Variants in DPP6 observed in about 807,000 individuals in gnomAD.
The protein encoded by DPP6 is A-type potassium channel modulatory protein DPP6.
Under a neutral mutation model 122.6 loss-of-function variants are expected in DPP6, and 69 were observed. The ratio of observed to expected loss-of-function variants is 0.56; its 90% CI spans 0.46 to 0.69. The LOEUF is 0.69. DPP6 is among the 30% of genes least tolerant of loss of function. DPP6 has a pLI of 0.00. For missense variants in DPP6, 928 were observed against 1,116.9 expected (o/e 0.83, Z 2.41); for synonymous variants, 418 against 433.1 (o/e 0.97, Z 0.43).
At chr7:154,060,351 GCA>G (rs1801582389) in intron 1 of DPP6, among the ~76,000 whole-genome samples, 11 of 128,108 alleles carry the variant, frequency 8.6e-5, no homozygotes, top group African/African-American at 1.5e-4. Flanking sequence ...CCCCCGCGAG[GCA>G]GGGACTGAGA....
chr7:153,791,129 A>G, the DPP6 span, among the ~76,000 whole-genome samples: 3 of 152,196 alleles, frequency 2.0e-5, no homozygotes, highest in African/African-American at 4.8e-5. Flanking sequence ...GGGAAATTAT[A>G]TGTGTTTTGT....
chr7:154,217,538 C>G (rs1304394137), intron 1 of DPP6, among the ~76,000 whole-genome samples: 1 of 152,126 alleles, frequency 6.6e-6, no homozygotes, highest in African/African-American at 2.4e-5. Context: ...TGGACCTCTT[C>G]TTACAAAATT....
At chr7:154,476,250 G>A (rs1426527211) in intron 3 of DPP6, among the ~76,000 whole-genome samples, 2 of 152,158 alleles carry the variant, frequency 1.3e-5, no homozygotes, top group Non-Finnish European at 2.9e-5. Flanking sequence ...GAAAACTGGG[G>A]AGAAATTAGA....
chr7:154,135,384 C>A (rs940874682), intron 1 of DPP6, among the ~76,000 whole-genome samples: 1 of 151,934 alleles, frequency 6.6e-6, no homozygotes, highest in African/African-American at 2.4e-5. Context: ...TATCTGTGCA[C>A]TTCCTTTGAG....
chr7:154,537,151 A>C (rs1828325339), intron 3 of DPP6, among the ~76,000 whole-genome samples: 1 of 152,194 alleles, frequency 6.6e-6, no homozygotes, highest in Non-Finnish European at 1.5e-5. Flanking sequence ...TTCAACACAT[A>C]AAACTAATGA....
intron 1 of DPP6, among the ~76,000 whole-genome samples, chr7:154,428,862 G>A (rs1013804654): frequency 1.3e-5 from 2 of 152,126 alleles, no homozygotes; most frequent in African/African-American, 4.8e-5. Flanking sequence ...GAGAGCGGAA[G>A]GGGTATGAGG....
At chr7:154,022,077 T>G (rs1378693987) in intron 1 of DPP6, among the ~76,000 whole-genome samples, 2 of 152,052 alleles carry the variant, frequency 1.3e-5, no homozygotes, top group African/African-American at 4.8e-5. Flanking sequence ...TGCTAGAGTT[T>G]CCTGCCAACC....
In DPP6 at chr7:154,486,123, A is replaced by C. The variant is rs1196031669; in HGVS notation, c.457+11086A>C. Among the ~76,000 whole-genome samples, 1 of 147,280 alleles carries C rather than the reference A, an allele frequency of 6.8e-6. No homozygotes were observed. The highest frequency in any genetic ancestry group is 2.5e-5 in the African/African-American group (1 of 39,866). On this transcript the variant is annotated intron_variant, in intron 3 of 25. Coordinates refer to ENST00000377770, the MANE Select transcript of DPP6 (RefSeq NM_130797.4). This position sits in a 1 kb window ranked among gnomAD's most constrained non-coding sequence, Gnocchi z 4.5. ...CCTCCCCGGTCTCCTCACCACCCCT[A>C]CTCATGGCCTCTATTTTGTTTTTTT...
At chr7:154,285,404 A>G (rs896709567) in intron 1 of DPP6, among the ~76,000 whole-genome samples, 3 of 151,960 alleles carry the variant, frequency 2.0e-5, no homozygotes, top group African/African-American at 7.3e-5. Flanking sequence ...AGCTTGGATA[A>G]CAGGCACCCG....
At chr7:154,890,927 T>C (rs1806549040) in intron 25 of DPP6, 1 of 152,216 alleles carries the variant, frequency 6.6e-6, no homozygotes, top group South Asian at 2.1e-4. Context: ...TCTAGTGTCA[T>C]AGAAAGATGT....
chr7:154,164,951 A>G (rs1797167496), intron 1 of DPP6, among the ~76,000 whole-genome samples: 3 of 152,304 alleles, frequency 2.0e-5, no homozygotes, highest in East Asian at 3.9e-4. Flanking sequence ...TTATGTGGAT[A>G]TAACTGTTAG....
At chr7:154,115,650 T>G (rs1158198777) in intron 1 of DPP6, among the ~76,000 whole-genome samples, 2 of 152,194 alleles carry the variant, frequency 1.3e-5, no homozygotes, top group Non-Finnish European at 2.9e-5. Context: ...TTGTACTTGT[T>G]GCGGTGTGTC....
At chr7:154,662,292 GC>G (rs1252567430) in intron 6 of DPP6, among the ~76,000 whole-genome samples, 1 of 151,768 alleles carries the variant, frequency 6.6e-6, no homozygotes, top group East Asian at 2.0e-4. Flanking sequence ...TGGCATATTG[GC>G]GCTAGTGTTC....
intron 1 of DPP6, among the ~76,000 whole-genome samples, chr7:153,944,530 G>T (rs1054150073): frequency 3.9e-5 from 6 of 152,148 alleles, no homozygotes; most frequent in Non-Finnish European, 5.9e-5. Context: ...GGGATAGCCA[G>T]TCTTGCTGTG....
chr7:154,445,390 C>T (rs550123085), intron 1 of DPP6, among the ~76,000 whole-genome samples: 1 of 152,272 alleles, frequency 6.6e-6, no homozygotes, highest in Non-Finnish European at 1.5e-5. Flanking sequence ...CTCAAAGAAT[C>T]ACAGTTTCGA....
chr7:153,900,838 G>A (rs1318912180), intron 1 of DPP6, among the ~76,000 whole-genome samples: 2 of 152,112 alleles, frequency 1.3e-5, no homozygotes, highest in African/African-American at 4.8e-5. Flanking sequence ...TAGCAAAGAG[G>A]TCTACAAGCT....
chr7:154,694,822 C>T (rs1268440997), intron 7 of DPP6, among the ~76,000 whole-genome samples: 7 of 152,210 alleles, frequency 4.6e-5, no homozygotes, highest in East Asian at 3.9e-4. Context: ...AGGACAGTCC[C>T]GGGTAAGCGG....
At chr7:153,992,700 T>C (rs1389660419) in intron 1 of DPP6, among the ~76,000 whole-genome samples, 1 of 152,254 alleles carries the variant, frequency 6.6e-6, no homozygotes, top group Non-Finnish European at 1.5e-5. Flanking sequence ...AAGTCCTTTA[T>C]GCTCTAATTA....
chr7:154,621,361 A>G (rs1834640716), intron 5 of DPP6, among the ~76,000 whole-genome samples: 3 of 151,974 alleles, frequency 2.0e-5, no homozygotes, highest in African/African-American at 4.8e-5. Context: ...TTTCTAATTT[A>G]TTTGTTTATT....
Sources: gnomAD v4.1 joint callset for allele counts (sites outside exome capture counted in the v4.1 genomes callset) on GRCh38, gnomAD v4.1.1 for gene constraint, Gnocchi (gnomAD v3.1) non-coding constraint, MANE v1.5 for transcripts, NCBI Gene and HGNC (gene_info 2026-07-23, HGNC 2026-07-21) for gene names.